AMPD2: variants seen among roughly 807,000 people sequenced by gnomAD.
The protein encoded by AMPD2 is AMP deaminase 2.
AMPD2 carries 52 observed loss-of-function variants against 91.3 expected under a neutral mutation model. The observed-to-expected ratio is 0.57, with a 90% CI of 0.46 to 0.72. AMPD2 has a LOEUF of 0.72. AMPD2 is among the 30% of genes least tolerant of loss of function. The probability of loss-of-function intolerance (pLI) is 0.00; values close to 1 mark genes in which losing one functional copy is unlikely to be tolerated. For missense variants in AMPD2, 822 were observed against 1,122.3 expected, an observed-to-expected ratio of 0.73 and a Z score of 3.82; for synonymous variants, 455 against 456.4, an observed-to-expected ratio of 1.00 and a Z score of 0.04.
intron 9 of AMPD2, 106 bp from the exon 10 acceptor site, chr1:109,627,668 C>G: frequency 6.5e-7 from 1 of 1,543,746 alleles, no homozygotes; most frequent in Non-Finnish European, 8.9e-7. Context: ...CTCTTGGCAG[C>G]CTCCATCCTT....
chr1:109,627,529 T>C lies in AMPD2; in HGVS notation c.950+11T>C, dbSNP rs1451942068. 6.2e-7 allele frequency: 1 copy of C among 1,613,754 alleles called. No homozygotes were observed. Among genetic ancestry groups the C allele is most frequent in the Non-Finnish European group, 8.5e-7 (1 of 1,179,854 alleles). ...TATCAATGGCCCCATGTGAGTCCCC[T>C]GCCATCCCAGACACTTAGCTCCCCT... On this transcript the variant is annotated intron_variant, in intron 9 of 18. Transcript: ENST00000528667.
rs372461952 is a variant in AMPD2, at chr1:109,628,604, A to C, written c.1408-39A>C. On this transcript the variant is annotated intron_variant, in intron 12 of 18. Transcript: ENST00000528667. The surrounding 1 kb of genome is among the most constrained non-coding windows in gnomAD (Gnocchi z 7.1). ...ATGACCCCCTGAAGAGCTCTGACTCAGCTCACCTCATGTCTGACTCAGCTC... is the reference window on the plus strand; with the variant it reads ...ATGACCCCCTGAAGAGCTCTGACTCCGCTCACCTCATGTCTGACTCAGCTC... The C allele has an allele frequency of 6.2e-6, 10 of 1,610,410 alleles. No individual in the cohort carries two copies. Among genetic ancestry groups the C allele is most frequent in the Non-Finnish European group, 8.5e-6 (10 of 1,177,644 alleles).
In AMPD2 at chr1:109,628,830, G is replaced by A. The variant is rs1390045995; in HGVS notation, c.1571+24G>A. 2 of 1,546,100 alleles carry A rather than the reference G, an allele frequency of 1.3e-6. No homozygotes were observed. Among genetic ancestry groups the A allele is most frequent in the Non-Finnish European group, 1.7e-6 (2 of 1,143,380 alleles). On this transcript the variant is annotated intron_variant, in intron 13 of 18. Coordinates refer to ENST00000528667, the MANE Select transcript of AMPD2 (RefSeq NM_001368809.2). The surrounding 1 kb of genome is among the most constrained non-coding windows in gnomAD (Gnocchi z 7.1). ...TTGTGAGTGTCCCTGGAGTGGGAGG[G>A]GAACCTGCGGGGTCATATTCAAGGG...
At chr1:109,630,136 C>T (rs891450163) in intron 16 of AMPD2, 97 bp from the exon 17 acceptor site, 1 of 1,424,048 alleles carries the variant, frequency 7.0e-7, no homozygotes, top group Non-Finnish European at 9.8e-7. Flanking sequence ...GATTCCCCTC[C>T]CCCTGCCCTC....
chr1:109,621,527 G>A, intron 2 of AMPD2: 1 of 598,972 alleles, frequency 1.7e-6, no homozygotes, highest in South Asian at 1.9e-5. Context: ...GCAGCAAGAG[G>A]TGTGTATGCA....
In AMPD2 at chr1:109,631,646, C is replaced by G; in HGVS notation, c.*494C>G. ...TCTGTGGAACTCCAGCAGCTCTGCA[C>G]TGGGTAGAGCTGGGCCTAGAGCTCA... On this transcript the variant is annotated 3_prime_UTR_variant, in exon 19 of 19. Coordinates refer to ENST00000528667, the MANE Select transcript of AMPD2 (RefSeq NM_001368809.2). 5.1e-6 allele frequency: 1 copy of G among 194,576 alleles called. No homozygotes were observed. The highest frequency in any genetic ancestry group is 1.1e-5 in the Non-Finnish European group (1 of 92,234). The allele number at this position is 194,576 out of a possible 1,614,324, so 12.1% of individuals were successfully genotyped here.
intron 2 of AMPD2, 79 bp downstream of exon 2, chr1:109,621,345 A>G (rs1311313544): frequency 1.5e-6 from 2 of 1,326,944 alleles, no homozygotes; most frequent in East Asian, 6.7e-5. Flanking sequence ...TGGTCCCCTC[A>G]GAGGGGGCCA....
Position 109,625,549 on chromosome 1 carries a change from C to G in AMPD2, c.223-113C>G. 6.3e-7 allele frequency: 1 copy of G among 1,593,926 alleles called. No homozygotes were observed. Among genetic ancestry groups the G allele is most frequent in the Non-Finnish European group, 8.6e-7 (1 of 1,166,922 alleles). On this transcript the variant is annotated intron_variant, in intron 3 of 18. Transcript: ENST00000528667. This position sits in a 1 kb window ranked among gnomAD's most constrained non-coding sequence, Gnocchi z 4.0. ...TCACGCTTGGCTGTCTCCTGATCCT[C>G]AGCCTCTCCCAGGTACCCCTGGTCC...
At position 109,624,198 on chromosome 1, in the gene AMPD2, GA is replaced by G. The variant is rs1343402151; in HGVS notation, c.92-1102del. 22 of 518,446 alleles carry G rather than the reference GA, an allele frequency of 4.2e-5. No homozygotes were observed. The highest frequency in any genetic ancestry group is 4.2e-4 in the African/African-American group (20 of 48,168). The allele number at this position is 518,446 out of a possible 1,614,324, so 32.1% of individuals were successfully genotyped here. Reference sequence around the variant, plus strand: ...TTTGGGACCAGTCCTGGAGTATTGGGAAATGGGCGCAGAGACTTTAAGGCCG... The same window carrying G: ...TTTGGGACCAGTCCTGGAGTATTGGGAATGGGCGCAGAGACTTTAAGGCCG... On this transcript the variant is annotated intron_variant, in intron 2 of 18. Transcript: ENST00000528667. The surrounding 1 kb of genome is among the most constrained non-coding windows in gnomAD (Gnocchi z 5.2).
Position 109,630,233 on chromosome 1 carries a change from GC to G in AMPD2, c.1989del (p.Val664SerfsTer59), listed in dbSNP as rs1236672131. On this transcript the variant is annotated frameshift_variant and splice_region_variant, in exon 17 of 19. Transcript: ENST00000528667. LOFTEE classifies it high-confidence loss of function. ...CCCTCCCTCCCTGTTGCCTGCCCAG[GC>G]CCCCGTCCTGCAGTACCTGTACTAC... ...NISHGLLLRK[A>X]PVLQYLYYLA... is the part of the protein sequence containing the mutation. The G allele has an allele frequency of 1.2e-6, 2 of 1,611,938 alleles. No homozygotes were observed. The highest frequency in any genetic ancestry group is 1.1e-5 in the South Asian group (1 of 91,072).
chr1:109,624,385 G>A lies in AMPD2; in HGVS notation c.92-918G>A, dbSNP rs905075182. The stretch of plus-strand genomic sequence containing the variant: ...CAGGGAGGGTCCTTCGGGGTAGGCT[G>A]GAAGCCTTGGCAGCCCCCATAGACC... On this transcript the variant is annotated intron_variant, in intron 2 of 18. Coordinates refer to ENST00000528667, the MANE Select transcript of AMPD2 (RefSeq NM_001368809.2). This position sits in a 1 kb window ranked among gnomAD's most constrained non-coding sequence, Gnocchi z 5.2. Among the ~76,000 whole-genome samples, 3 of 152,182 alleles carry A rather than the reference G, an allele frequency of 2.0e-5. No individual in the cohort carries two copies. Among genetic ancestry groups the A allele is most frequent in the Non-Finnish European group, 4.4e-5 (3 of 68,014 alleles).
In AMPD2 at chr1:109,628,278, G is replaced by T. The variant is rs1162948246; in HGVS notation, c.1275+1G>T. The T allele has an allele frequency of 6.2e-7, 1 of 1,613,050 alleles. No homozygotes were observed. The highest frequency in any genetic ancestry group is 8.5e-7 in the Non-Finnish European group (1 of 1,179,306). On this transcript the variant is annotated splice_donor_variant, in intron 11 of 18. Coordinates refer to ENST00000528667, the MANE Select transcript of AMPD2 (RefSeq NM_001368809.2). LOFTEE classifies it high-confidence loss of function. The surrounding 1 kb of genome is among the most constrained non-coding windows in gnomAD (Gnocchi z 7.1). ...TGTGGACACGCTGGATGTGCATGCG[G>T]TCTGTGCCAGTGGCGTGGGCTGTGG...
Position 109,629,344 on chromosome 1 carries a change from C to A in AMPD2, c.1716C>A (p.Ser572Arg). 3 of 1,614,112 alleles carry A rather than the reference C, an allele frequency of 1.9e-6. No homozygotes were observed. The highest frequency in any genetic ancestry group is 2.5e-6 in the Non-Finnish European group (3 of 1,180,018). Residue 572 changes from serine (S) to arginine (R), a missense_variant, in exon 15 of 19, where the codon AGC becomes AGA. This residue lies in a region of AMPD2 where 430 missense variants were observed against 606.0 expected (regional missense o/e 0.71). Transcript: ENST00000528667. ...TGTATTAGGTGGATGGTTTTGACAG[C>A]GTGGATGATGAGTCCAAGCCTGAAA... ...LFLEHVDGFD[S>R]VDDESKPENH... is the part of the protein sequence containing the mutation.
At position 109,625,989 on chromosome 1, in the gene AMPD2, T is replaced by C. The variant is rs913514687; in HGVS notation, c.354-171T>C. On this transcript the variant is annotated intron_variant, in intron 4 of 18. Transcript: ENST00000528667. The surrounding 1 kb of genome is among the most constrained non-coding windows in gnomAD (Gnocchi z 4.0). ...TGGCTGGGTCATGTTGCTTAACTTA[T>C]GGGTCTGCTTTCTCATCTCTAAAGT... is the stretch of plus-strand genomic sequence containing the variant. The C allele has an allele frequency of 3.3e-5, 37 of 1,122,502 alleles. No individual in the cohort carries two copies. The highest frequency in any genetic ancestry group is 4.5e-5 in the Non-Finnish European group (35 of 777,696). The allele number at this position is 1,122,502 out of a possible 1,614,324, so 69.5% of individuals were successfully genotyped here.
In AMPD2 at chr1:109,621,045, T is replaced by A; in HGVS notation, c.-131T>A. Reference sequence around the variant, plus strand: ...AATCGTGGCCAGGGCCTCTTCCGCCTGCGGAGCCGCTGCTTCCTGCATCAG... The same window carrying A: ...AATCGTGGCCAGGGCCTCTTCCGCCAGCGGAGCCGCTGCTTCCTGCATCAG... On this transcript the variant is annotated 5_prime_UTR_variant, in exon 2 of 19. Coordinates refer to ENST00000528667, the MANE Select transcript of AMPD2 (RefSeq NM_001368809.2). 6.2e-7 allele frequency: 1 copy of A among 1,604,002 alleles called. No individual in the cohort carries two copies. Among genetic ancestry groups the A allele is most frequent in the Non-Finnish European group, 8.5e-7 (1 of 1,175,612 alleles).
intron 15 of AMPD2, 74 bp downstream of exon 15, chr1:109,629,564 C>T (rs1296170611): frequency 6.4e-7 from 1 of 1,570,110 alleles, no homozygotes; most frequent in African/African-American, 1.3e-5. Flanking sequence ...CACCTTGGGC[C>T]AGGGCCACTA....
In AMPD2 at chr1:109,621,021, A is replaced by C. The variant is rs897753261; in HGVS notation, c.-155A>C. 1.3e-6 allele frequency: 2 copies of C among 1,589,756 alleles called. No homozygotes were observed. The highest frequency in any genetic ancestry group is 1.3e-5 in the African/African-American group (1 of 74,422). On this transcript the variant is annotated 5_prime_UTR_variant, in exon 2 of 19. Transcript: ENST00000528667. ...CGAGGTTGCCTAGACAACATGAGAA[A>C]TCGTGGCCAGGGCCTCTTCCGCCTG...
intron 2 of AMPD2, chr1:109,621,541 G>A (rs989873833): frequency 1.8e-6 from 1 of 568,550 alleles, no homozygotes; most frequent in Non-Finnish European, 3.2e-6. Context: ...GTATGCACAC[G>A]TGTCAGCGTG....
intron 16 of AMPD2, 126 bp downstream of exon 16, chr1:109,630,042 C>A: frequency 6.9e-7 from 1 of 1,453,682 alleles, no homozygotes; most frequent in Non-Finnish European, 9.4e-7. Context: ...CCCAATGTAA[C>A]TACCCTTCCC....
Sources: gnomAD v4.1 joint callset for allele counts (sites outside exome capture counted in the v4.1 genomes callset) on GRCh38, gnomAD v4.1.1 for gene constraint, gnomAD v4.1.1 regional missense constraint, Gnocchi (gnomAD v3.1) non-coding constraint, MANE v1.5 for transcripts, NCBI Gene and HGNC (gene_info 2026-07-23, HGNC 2026-07-21) for gene names.